KRT26: variants seen among roughly 807,000 people sequenced by gnomAD.
KRT26 encodes the protein keratin 26.
Under a neutral mutation model 46.1 loss-of-function variants are expected in KRT26, and 45 were observed. The observed-to-expected ratio is 0.98, with a 90% CI of 0.77 to 1.25. KRT26 has a LOEUF of 1.25. Among genes scored for constraint, KRT26 ranks in the 50% most tolerant of loss-of-function variants. The pLI, the probability that KRT26 is intolerant of heterozygous loss-of-function variation, is 0.00. For missense variants in KRT26, 582 were observed against 560.1 expected, an observed-to-expected ratio of 1.04 and a Z score of -0.39; for synonymous variants, 191 against 209.9, an observed-to-expected ratio of 0.91 and a Z score of 0.78.
At chr17:40,771,199 A>G (rs752750511) in exon 2 of KRT26, 1 of 1,608,756 alleles carries the variant, frequency 6.2e-7, no homozygotes, top group South Asian at 1.1e-5. Flanking sequence ...GTCATTTTGT[A>G]GAACAATGCT....
exon 5 of KRT26, chr17:40,769,873 T>C (rs2038205495): frequency 3.7e-6 from 6 of 1,614,046 alleles, no homozygotes; most frequent in Non-Finnish European, 5.1e-6. Flanking sequence ...TGTTGCAGCG[T>C]TGCACTCTGA....
chr17:40,768,304 T>C (rs1029722903), intron 6 of KRT26, among the ~76,000 whole-genome samples: 9 of 152,232 alleles, frequency 5.9e-5, no homozygotes, highest in African/African-American at 2.2e-4. Flanking sequence ...GACATTATAG[T>C]TAAGACTTGT....
exon 1 of KRT26, chr17:40,771,821 A>G: frequency 6.2e-7 from 1 of 1,614,188 alleles, no homozygotes; most frequent in Non-Finnish European, 8.5e-7. Flanking sequence ...CACATGGTCC[A>G]GGTAGGATGC....
At chr17:40,770,485 T>C (rs2038214472) in intron 2 of KRT26, 76 bp from the exon 3 acceptor site, 1 of 1,197,818 alleles carries the variant, frequency 8.3e-7, no homozygotes, top group African/African-American at 1.5e-5. Flanking sequence ...GTATTTCATA[T>C]GCTGAAAGAT....
At position 40,770,142 on chromosome 17, in the gene KRT26, T is replaced by C; in HGVS notation, c.682-20A>G. 1 of 1,614,000 alleles carries C rather than the reference T, an allele frequency of 6.2e-7. No homozygotes were observed. Among genetic ancestry groups the C allele is most frequent in the South Asian group, 1.1e-5 (1 of 91,072 alleles). On this transcript the variant is annotated intron_variant, in intron 3 of 7. Coordinates refer to ENST00000335552, the Ensembl canonical transcript of KRT26. Reference sequence around the variant, plus strand: ...CATTTCCTAGAAAAGGGATCGGTATTCATCCTCAGTGGAGGATTTTGATTG... The same window carrying C: ...CATTTCCTAGAAAAGGGATCGGTATCCATCCTCAGTGGAGGATTTTGATTG...
At chr17:40,770,073 A>C (rs1156385396) in exon 4 of KRT26, 26 of 1,613,972 alleles carry the variant, frequency 1.6e-5, no homozygotes, top group Non-Finnish European at 2.1e-5. Context: ...GGTTGCATTC[A>C]TCTCCACGTT....
chr17:40,769,992 C>T (rs776601309), exon 4 of KRT26: 55 of 1,614,030 alleles, frequency 3.4e-5, no homozygotes, highest in East Asian at 3.1e-4. Flanking sequence ...AGCATCTTTG[C>T]GGTTCTGCTC....
At chr17:40,771,822 G>T in exon 1 of KRT26, 1 of 1,614,194 alleles carries the variant, frequency 6.2e-7, no homozygotes, top group Non-Finnish European at 8.5e-7. Context: ...ACATGGTCCA[G>T]GTAGGATGCC....
At chr17:40,766,922 T>C (rs1190902571) in intron 7 of KRT26, among the ~76,000 whole-genome samples, 1 of 152,156 alleles carries the variant, frequency 6.6e-6, no homozygotes, top group Admixed American at 6.5e-5. Context: ...GTATTCTTAG[T>C]AGAGATGGAG....
chr17:40,771,369 G>C, intron 1 of KRT26, 133 bp from the exon 2 acceptor site: 1 of 600,872 alleles, frequency 1.7e-6, no homozygotes, highest in East Asian at 2.9e-5. Context: ...AAAGAAATCT[G>C]GATTTTCTTC....
chr17:40,770,220 A>T, intron 3 of KRT26, 33 bp downstream of exon 3: 1 of 1,613,964 alleles, frequency 6.2e-7, no homozygotes. Flanking sequence ...GGAAATTAGA[A>T]ACTGTATGAA....
At chr17:40,771,263 T>C (rs1245728852) in intron 1 of KRT26, 27 bp from the exon 2 acceptor site, 4 of 1,318,768 alleles carry the variant, frequency 3.0e-6, no homozygotes, top group Non-Finnish European at 4.3e-6. Context: ...GTGAAAAATG[T>C]TAATTACCAA....
At chr17:40,768,839 A>T in intron 6 of KRT26, 40 bp downstream of exon 6, 2 of 1,148,250 alleles carry the variant, frequency 1.7e-6, no homozygotes, top group Non-Finnish European at 2.5e-6. Context: ...AAACCTAGTT[A>T]ATGTGAGGTT....
At chr17:40,769,701 T>C in intron 5 of KRT26, 53 bp downstream of exon 5, 1 of 1,581,374 alleles carries the variant, frequency 6.3e-7, no homozygotes, top group South Asian at 1.1e-5. Flanking sequence ...TATATCTGTA[T>C]TGACTTATAC....
exon 8 of KRT26, chr17:40,766,650 A>G (rs775371494): frequency 6.2e-7 from 1 of 1,611,784 alleles, no homozygotes; most frequent in Non-Finnish European, 8.5e-7. Context: ...TTTTAACAAT[A>G]GTTTCTTCTG....
At chr17:40,770,191 G>A in intron 3 of KRT26, 62 bp downstream of exon 3, 2 of 1,612,418 alleles carry the variant, frequency 1.2e-6, no homozygotes, top group Non-Finnish European at 1.7e-6. Flanking sequence ...GCTACGAAAT[G>A]AACAGTGGAC....
Position 40,766,453 on chromosome 17 carries a change from T to A in KRT26, c.*62A>T, listed in dbSNP as rs967180125. On this transcript the variant is annotated 3_prime_UTR_variant, in exon 8 of 8. Coordinates refer to ENST00000335552, the Ensembl canonical transcript of KRT26. ...CAGTAGGATTTTTGCAAAGGCAGCC[T>A]TTCTTTCTTTCTTTCTCTCTCTCTC... 4.4e-6 allele frequency: 6 copies of A among 1,367,498 alleles called. No individual in the cohort carries two copies. In the African/African-American group the frequency reaches 8.9e-5, roughly 20 times the overall value. 84.7% of individuals were successfully genotyped at this position (1,367,498 alleles called of 1,614,324 possible).
chr17:40,771,906 C>A lies in KRT26; in HGVS notation c.208G>T (p.Gly70Cys), dbSNP rs551571865. ...AGGCTGTGCTCATTGCCAAGAAAACCAGCACAGGCACCACTTCCCAACCCT... is the reference window on the plus strand; with the variant it reads ...AGGCTGTGCTCATTGCCAAGAAAACAAGCACAGGCACCACTTCCCAACCCT... Residue 70 changes from glycine to cysteine, a missense_variant, in exon 1 of 8, where the codon GGT becomes TGT. Transcript: ENST00000335552. The A allele has an allele frequency of 4.2e-5, 67 of 1,614,158 alleles. No individual in the cohort carries two copies. The South Asian group carries it at 6.7e-4, about 16-fold the overall frequency.
At position 40,766,466 on chromosome 17, in the gene KRT26, TTCTCTC is replaced by T. The variant is rs35253595; in HGVS notation, c.*43_*48del. ...GCAAAGGCAGCCTTTCTTTCTTTCT[TTCTCTC>T]TCTCTCTCTTTCTTTCTTTCTTTCC... On this transcript the variant is annotated 3_prime_UTR_variant, in exon 8 of 8. Coordinates refer to ENST00000335552, the Ensembl canonical transcript of KRT26. 1.0e-5 allele frequency: 14 copies of T among 1,373,082 alleles called. 1 individual carries two copies. The South Asian group carries it at 1.8e-4, about 18-fold the overall frequency. 85.1% of individuals were successfully genotyped at this position (1,373,082 alleles called of 1,614,324 possible). A position where few individuals can be genotyped will look rare whatever the true frequency, so the allele number is the denominator to read the frequency against.
Sources: gnomAD v4.1 joint callset for allele counts (sites outside exome capture counted in the v4.1 genomes callset) on GRCh38, gnomAD v4.1.1 for gene constraint, MANE v1.5 for transcripts, NCBI Gene and HGNC (gene_info 2026-07-23, HGNC 2026-07-21) for gene names.